Variants in SENP7 observed in about 807,000 individuals in gnomAD.
The protein encoded by SENP7 is SUMO specific peptidase 7.
In SENP7, 64 loss-of-function variants were observed where a neutral mutation model predicts 141.2. The observed-to-expected ratio is 0.45, with a 90% CI of 0.37 to 0.56. The LOEUF is 0.56. Among genes scored for constraint, SENP7 ranks in the 20% least tolerant of loss-of-function variants. The pLI, the probability that SENP7 is intolerant of heterozygous loss-of-function variation, is 0.00. For missense variants in SENP7, 1,025 were observed against 1,212.2 expected (o/e 0.85, Z 2.29); for synonymous variants, 382 against 426.4 (o/e 0.90, Z 1.28).
At chr3:101,452,218 C>T (rs375361867) in intron 4 of SENP7, among the ~76,000 whole-genome samples, 5 of 151,912 alleles carry the variant, frequency 3.3e-5, no homozygotes, top group Non-Finnish European at 4.4e-5. Context: ...TAAAAGAGGA[C>T]ACAAACAAAT....
chr3:101,387,840 T>G (rs2107528934), intron 6 of SENP7, among the ~76,000 whole-genome samples: 1 of 152,296 alleles, frequency 6.6e-6, no homozygotes, highest in East Asian at 1.9e-4. Context: ...TCACTGCCAA[T>G]GAGCACATGT....
chr3:101,386,217 AG>A (rs1231551469), intron 6 of SENP7, among the ~76,000 whole-genome samples: 1 of 152,304 alleles, frequency 6.6e-6, no homozygotes, highest in East Asian at 1.9e-4. Context: ...GCACAGAAAA[AG>A]GGAAATGAAG....
At chr3:101,417,356 G>A (rs2107656023) in intron 5 of SENP7, among the ~76,000 whole-genome samples, 1 of 152,160 alleles carries the variant, frequency 6.6e-6, no homozygotes, top group East Asian at 1.9e-4. Flanking sequence ...TAAGTTAAAT[G>A]TACTAATGAT....
At chr3:101,405,002 GA>G (rs934424954) in intron 5 of SENP7, among the ~76,000 whole-genome samples, 2 of 152,190 alleles carry the variant, frequency 1.3e-5, no homozygotes, top group African/African-American at 4.8e-5. Context: ...CTTGCCTCCA[GA>G]ATTGGGAACA....
chr3:101,324,799 A>G lies in SENP7; in HGVS notation c.*1144T>C, dbSNP rs913992336. ...CATTTTTCTTATCTGAGAAAATACA[A>G]TATAATCATATCTCCCTCAAAATAC... On this transcript the variant is annotated 3_prime_UTR_variant, in exon 24 of 24. Coordinates refer to ENST00000394095, the MANE Select transcript of SENP7 (RefSeq NM_020654.5). 2 of 152,046 alleles carry G rather than the reference A, an allele frequency of 1.3e-5. No homozygotes were observed. The highest frequency in any genetic ancestry group is 4.8e-5 in the African/African-American group (2 of 41,446). 9.4% of individuals were successfully genotyped at this position (152,046 alleles called of 1,614,324 possible).
chr3:101,396,817 T>C (rs1243579345), intron 6 of SENP7, among the ~76,000 whole-genome samples: 1 of 152,126 alleles, frequency 6.6e-6, no homozygotes, highest in Admixed American at 6.6e-5. Context: ...GCAACGTGGA[T>C]AGGTACTTTT....
At chr3:101,444,390 G>A (rs1191246127) in intron 4 of SENP7, among the ~76,000 whole-genome samples, 2 of 151,844 alleles carry the variant, frequency 1.3e-5, no homozygotes, top group Non-Finnish European at 2.9e-5. Context: ...TCCCATTACT[G>A]GGTATATACC....
intron 3 of SENP7, among the ~76,000 whole-genome samples, chr3:101,469,420 A>G (rs1478417014): frequency 6.6e-6 from 1 of 152,164 alleles, no homozygotes; most frequent in Non-Finnish European, 1.5e-5. Flanking sequence ...ACATCTACAG[A>G]ACTTTCCACC....
At chr3:101,470,966 G>T (rs1166127105) in intron 3 of SENP7, among the ~76,000 whole-genome samples, 4 of 152,094 alleles carry the variant, frequency 2.6e-5, no homozygotes, top group Admixed American at 2.6e-4. Flanking sequence ...ACCTCTTCAA[G>T]GAGAACTACA....
Position 101,324,406 on chromosome 3 carries a change from AC to A in SENP7, c.*1536del, listed in dbSNP as rs1484640336. The stretch of plus-strand genomic sequence containing the variant: ...GGACAGTGATATCTTTGAAAAACAT[AC>A]AAACAAAAACATTAAGAAATCACAA... On this transcript the variant is annotated 3_prime_UTR_variant, in exon 24 of 24. Coordinates refer to ENST00000394095, the MANE Select transcript of SENP7 (RefSeq NM_020654.5). 6.6e-6 allele frequency: 1 copy of A among 152,132 alleles called. No individual in the cohort carries two copies. The highest frequency in any genetic ancestry group is 1.5e-5 in the Non-Finnish European group (1 of 67,982). 9.4% of individuals were successfully genotyped at this position (152,132 alleles called of 1,614,324 possible).
At chr3:101,350,195 T>C (rs1025923120) in intron 12 of SENP7, among the ~76,000 whole-genome samples, 9 of 152,208 alleles carry the variant, frequency 5.9e-5, no homozygotes, top group Non-Finnish European at 8.8e-5. Context: ...GCAACTCATG[T>C]GTCAGGGTCA....
rs369914838 is a variant in SENP7, at chr3:101,463,748, C to T, written c.187-4696G>A. 8.6e-4 allele frequency among the ~76,000 whole-genome samples: 131 copies of T among 151,998 alleles called. 1 individual carries two copies. The highest frequency in any genetic ancestry group is 3.1e-3 in the African/African-American group (128 of 41,464). Reference sequence around the variant, plus strand: ...ACTCACAAAAGATGAGTATCAAGAGCAGCCAAGTAGAAGAAGACAGAGATG... The same window carrying T: ...ACTCACAAAAGATGAGTATCAAGAGTAGCCAAGTAGAAGAAGACAGAGATG... On this transcript the variant is annotated intron_variant, in intron 3 of 23. Transcript: ENST00000394095.
chr3:101,343,173 GT>G (rs2059372428), intron 14 of SENP7, among the ~76,000 whole-genome samples: 1 of 152,158 alleles, frequency 6.6e-6, no homozygotes, highest in East Asian at 1.9e-4. Context: ...TTAAAGTGAT[GT>G]CTACAAGGTT....
At chr3:101,391,183 AC>A (rs1331578714) in intron 6 of SENP7, among the ~76,000 whole-genome samples, 1 of 152,090 alleles carries the variant, frequency 6.6e-6, no homozygotes, top group African/African-American at 2.4e-5. Flanking sequence ...ATCTCAAAAA[AC>A]TAGAAAAGCA....
At chr3:101,411,113 C>A (rs1178828102) in intron 5 of SENP7, among the ~76,000 whole-genome samples, 1 of 152,102 alleles carries the variant, frequency 6.6e-6, no homozygotes, top group East Asian at 1.9e-4. Flanking sequence ...ACACATTGAT[C>A]TTCTCATCTC....
At chr3:101,432,538 G>A (rs950126899) in intron 4 of SENP7, among the ~76,000 whole-genome samples, 1 of 152,196 alleles carries the variant, frequency 6.6e-6, no homozygotes, top group Non-Finnish European at 1.5e-5. Context: ...CAATGCTGGT[G>A]GCCACAGGGG....
rs1206068295 is a variant in SENP7 at position 101,358,411 on chromosome 3, G to C, written c.1623+3304C>G. The C allele has an allele frequency of 4.8e-5, 21 of 436,248 alleles. No individual in the cohort carries two copies. In the East Asian group the frequency reaches 1.1e-3, roughly 24 times the overall value. The allele number at this position is 436,248 out of a possible 1,614,324, so 27.0% of individuals were successfully genotyped here. On this transcript the variant is annotated intron_variant, in intron 11 of 23. Transcript: ENST00000394095. ...TAATAAGCATAAGATAATTTATACT[G>C]GAGAGAAACCCTATAAATGTGATGA...
At chr3:101,440,009 CG>C (rs2062592195) in intron 4 of SENP7, among the ~76,000 whole-genome samples, 1 of 79,724 alleles carries the variant, frequency 1.3e-5, no homozygotes, top group Non-Finnish European at 3.0e-5. Context: ...CGCCTCTGCC[CG>C]GCCGCCCCTA....
intron 11 of SENP7, among the ~76,000 whole-genome samples, chr3:101,355,721 T>G (rs2059724064): frequency 6.6e-6 from 1 of 152,200 alleles, no homozygotes; most frequent in Non-Finnish European, 1.5e-5. Flanking sequence ...CATATGAATT[T>G]TAAAATACTT....
Sources: allele counts gnomAD v4.1 joint callset (sites outside exome capture counted in the v4.1 genomes callset), GRCh38; gene constraint gnomAD v4.1.1; transcripts MANE v1.5; gene names NCBI Gene and HGNC (gene_info 2026-07-23, HGNC 2026-07-21).